MYBPC1: variants seen among roughly 807,000 people sequenced by gnomAD.
MYBPC1 encodes the protein myosin-binding protein C, slow-type.
A neutral mutation model predicts 147.1 loss-of-function variants in MYBPC1; 52 were observed. The observed-to-expected ratio is 0.35, with a 90% CI of 0.28 to 0.45. The LOEUF is 0.45. MYBPC1 is among the 20% of genes least tolerant of loss of function. The pLI is 1.00. For missense variants in MYBPC1, 1,228 were observed against 1,440.3 expected (o/e 0.85, Z 2.39); for synonymous variants, 477 against 475.9 (o/e 1.00, Z -0.03).
intron 6 of MYBPC1, among the ~76,000 whole-genome samples, chr12:101,631,147 TA>T (rs1219965293): frequency 6.6e-6 from 1 of 152,140 alleles, no homozygotes; most frequent in Admixed American, 6.5e-5. Context: ...CCTTGCCTAA[TA>T]AAAAGAGTGA....
chr12:101,652,054 A>C (rs926515456), intron 16 of MYBPC1, among the ~76,000 whole-genome samples: 1 of 152,244 alleles, frequency 6.6e-6, no homozygotes, highest in Non-Finnish European at 1.5e-5. Flanking sequence ...ACAAATCTTT[A>C]TTTGCGTAGG....
chr12:101,628,929 C>A (rs1889234564), intron 5 of MYBPC1: 1 of 208,916 alleles, frequency 4.8e-6, no homozygotes, highest in Non-Finnish European at 9.7e-6. Context: ...AACTCTCTTA[C>A]AAAAGCAAGG....
intron 1 of MYBPC1, among the ~76,000 whole-genome samples, chr12:101,610,111 C>T (rs959529310): frequency 6.6e-6 from 1 of 152,170 alleles, no homozygotes; most frequent in Non-Finnish European, 1.5e-5. Flanking sequence ...ACCTGCAACA[C>T]TTCATTTTCC....
In MYBPC1 at chr12:101,652,778, G is replaced by A; in HGVS notation, c.1627G>A (p.Val543Ile). The A allele has an allele frequency of 6.2e-7, 1 of 1,609,306 alleles. No individual in the cohort carries two copies. Among genetic ancestry groups the A allele is most frequent in the Non-Finnish European group, 8.5e-7 (1 of 1,175,696 alleles). ...YNVTLPAKVHVIDPPKIILDG... is the reference protein window; with the variant it reads ...YNVTLPAKVHIIDPPKIILDG... ...TGTTACTCTGCCTGCCAAAGTTCAT[G>A]TTATTGGTGAGTAGATAAAATAATT... is the stretch of plus-strand genomic sequence containing the variant. Residue 543 changes from valine to isoleucine, a missense_variant, in exon 17 of 32, where the codon GTT becomes ATT. Val to Ile is a conservative substitution (Grantham distance 29). Transcript: ENST00000361466.
chr12:101,636,199 G>T (rs918522831), intron 9 of MYBPC1, among the ~76,000 whole-genome samples: 2 of 152,072 alleles, frequency 1.3e-5, no homozygotes. Context: ...ACACAAAGAG[G>T]TTACCATTGA....
chr12:101,621,693 T>C (rs981966033), intron 3 of MYBPC1, among the ~76,000 whole-genome samples: 1 of 152,224 alleles, frequency 6.6e-6, no homozygotes, highest in Admixed American at 6.5e-5. Flanking sequence ...AAGTTTATAT[T>C]GCTTAATTAA....
intron 8 of MYBPC1, 34 bp from the exon 9 acceptor site, chr12:101,634,520 G>A (rs773575400): frequency 6.5e-7 from 1 of 1,543,314 alleles, no homozygotes; most frequent in African/African-American, 1.4e-5. Flanking sequence ...CTCCTTAATG[G>A]GTATTTATGT....
intron 22 of MYBPC1, chr12:101,666,208 A>T (rs1897378537): frequency 1.8e-5 from 3 of 165,834 alleles, no homozygotes; most frequent in Non-Finnish European, 4.0e-5. Context: ...TTCTATTCAG[A>T]ACTTGGACCC....
At chr12:101,610,297 G>T (rs988108157) in intron 1 of MYBPC1, among the ~76,000 whole-genome samples, 2 of 152,134 alleles carry the variant, frequency 1.3e-5, no homozygotes, top group African/African-American at 4.8e-5. Context: ...CTACTTATCT[G>T]CAGTGTAAAA....
intron 10 of MYBPC1, among the ~76,000 whole-genome samples, chr12:101,639,452 C>T (rs1482645429): frequency 2.0e-5 from 3 of 152,130 alleles, no homozygotes; most frequent in Admixed American, 2.0e-4. Context: ...GAGCCTTGAC[C>T]TCACATTTCA....
intron 8 of MYBPC1, among the ~76,000 whole-genome samples, chr12:101,632,807 A>G (rs1628377): frequency 0.63 from 95,345 of 152,162 alleles, 31,194 homozygotes; most frequent in African/African-American, 0.81. Context: ...TTGGTTCACC[A>G]CAACTTCCAA....
chr12:101,621,001 G>C (rs825092), intron 3 of MYBPC1, among the ~76,000 whole-genome samples: 1 of 151,984 alleles, frequency 6.6e-6, no homozygotes, highest in South Asian at 2.1e-4. Flanking sequence ...GAATGTGACT[G>C]GCAGATGAGG....
chr12:101,626,774 G>C, intron 3 of MYBPC1, 98 bp from the exon 4 acceptor site: 2 of 1,029,042 alleles, frequency 1.9e-6, no homozygotes, highest in Non-Finnish European at 3.1e-6. Context: ...AAAGTGTATT[G>C]TGTGGTTTCT....
chr12:101,607,325 G>A (rs990300702), intron 1 of MYBPC1, among the ~76,000 whole-genome samples: 2 of 152,128 alleles, frequency 1.3e-5, no homozygotes, highest in Admixed American at 1.3e-4. Context: ...AATCTAAAAA[G>A]AAAGATAATT....
chr12:101,638,361 T>G (rs917511219), intron 10 of MYBPC1, among the ~76,000 whole-genome samples: 1 of 152,212 alleles, frequency 6.6e-6, no homozygotes, highest in Admixed American at 6.5e-5. Flanking sequence ...GGTAAAAACA[T>G]GGACTGGAGT....
At chr12:101,684,325 T>A (rs1199706554) in intron 30 of MYBPC1, 57 bp from the exon 31 acceptor site, 5 of 1,371,550 alleles carry the variant, frequency 3.6e-6, no homozygotes, top group Non-Finnish European at 3.1e-6. Context: ...AGTTTGGTGT[T>A]AGCACTTTAT....
rs529955255 is a variant in MYBPC1 at position 101,652,848 on chromosome 12, G to A, written c.1633+64G>A. The A allele has an allele frequency of 2.9e-6, 4 of 1,369,854 alleles. No homozygotes were observed. The South Asian group carries it at 4.7e-5, about 16-fold the overall frequency. The allele number at this position is 1,369,854 out of a possible 1,614,324, so 84.9% of individuals were successfully genotyped here. A position where few individuals can be genotyped will look rare whatever the true frequency, so the allele number is the denominator to read the frequency against. ...TTTTTGTTTGCTTTTGCTTACCATGGAATTATAATATATTCAAAACTAAGT... is the reference window on the plus strand; with the variant it reads ...TTTTTGTTTGCTTTTGCTTACCATGAAATTATAATATATTCAAAACTAAGT... On this transcript the variant is annotated intron_variant, in intron 17 of 31. Transcript: ENST00000361466.
chr12:101,598,079 C>T (rs1878154394), intron 1 of MYBPC1, among the ~76,000 whole-genome samples: 1 of 148,708 alleles, frequency 6.7e-6, no homozygotes, highest in African/African-American at 2.5e-5. Flanking sequence ...GAGTGCAGTG[C>T]CACAGTCTCC....
At chr12:101,619,254 G>A (rs1886846404) in intron 3 of MYBPC1, among the ~76,000 whole-genome samples, 1 of 151,502 alleles carries the variant, frequency 6.6e-6, no homozygotes, top group Non-Finnish European at 1.5e-5. Context: ...ATCCAACTCA[G>A]GTTTCACTTC....
Sources: gnomAD v4.1 joint callset for allele counts (sites outside exome capture counted in the v4.1 genomes callset) on GRCh38, gnomAD v4.1.1 for gene constraint, MANE v1.5 for transcripts, NCBI Gene and HGNC (gene_info 2026-07-23, HGNC 2026-07-21) for gene names.